Variants in DCTN1 observed in about 807,000 individuals in gnomAD.
DCTN1 encodes the protein 150 kDa dynein-associated polypeptide.
DCTN1 carries 61 observed loss-of-function variants against 161.2 expected under a neutral mutation model. The ratio of observed to expected loss-of-function variants is 0.38; its 90% confidence interval spans 0.31 to 0.47. The LOEUF is 0.47. DCTN1 is among the 20% of genes least tolerant of loss of function. The probability of loss-of-function intolerance (pLI) is 0.99; values close to 1 mark genes in which losing one functional copy is unlikely to be tolerated. For missense variants in DCTN1, 1,404 were observed against 1,623.7 expected, an observed-to-expected ratio of 0.86 and a Z score of 2.33; for synonymous variants, 653 against 632.4, an observed-to-expected ratio of 1.03 and a Z score of -0.49.
In DCTN1 at chr2:74,365,581, T is replaced by A. The variant is rs376868584; in HGVS notation, c.2963A>T (p.Asp988Val). ...AGTCTGGACTTTCTCGATGCGCTCA[T>A]CTGCATCCTTGGCAGCACTGTCCAA... ...KKLDSAAKDADERIEKVQTRL... is the reference protein window; with the variant it reads ...KKLDSAAKDAVERIEKVQTRL... The change falls in exon 25 of 32, where the codon GAT (aspartate) becomes GTT (valine). Residue 988 changes from aspartate (D) to valine (V), a missense_variant. This residue lies in a region of DCTN1 where 475 missense variants were observed against 489.8 expected (regional missense o/e 0.97). Coordinates refer to ENST00000628224, the MANE Select transcript of DCTN1 (RefSeq NM_004082.5). 7 of 1,614,050 alleles carry A rather than the reference T, an allele frequency of 4.3e-6. No individual in the cohort carries two copies. The highest frequency in any genetic ancestry group is 5.9e-6 in the Non-Finnish European group (7 of 1,180,042).
chr2:74,363,184 A>C lies in DCTN1; in HGVS notation c.3346-7T>G. Reference sequence around the variant, plus strand: ...ATGCCTTCATCTGGGCTCCCTGTGGATGAAAAAAGAAGGATAGTGGTAAGA... The same window carrying C: ...ATGCCTTCATCTGGGCTCCCTGTGGCTGAAAAAAGAAGGATAGTGGTAAGA... On this transcript the variant is annotated splice_region_variant and splice_polypyrimidine_tract_variant and intron_variant, in intron 28 of 31. Transcript: ENST00000628224. The C allele has an allele frequency of 6.2e-7, 1 of 1,614,058 alleles. No homozygotes were observed. The highest frequency in any genetic ancestry group is 8.5e-7 in the Non-Finnish European group (1 of 1,179,972).
chr2:74,367,937 C>T, intron 17 of DCTN1, 34 bp downstream of exon 17: 1 of 1,614,166 alleles, frequency 6.2e-7, no homozygotes, highest in Non-Finnish European at 8.5e-7. Context: ...TCCTGGACCC[C>T]CACCCTGGGG....
intron 16 of DCTN1, 116 bp downstream of exon 16, chr2:74,368,612 C>T: frequency 7.0e-7 from 1 of 1,435,608 alleles, no homozygotes; most frequent in Non-Finnish European, 9.7e-7. Context: ...TGTTCCTCCA[C>T]TATACCATAA....
chr2:74,379,961 T>G, intron 1 of DCTN1, 44 bp downstream of exon 1: 1 of 1,601,676 alleles, frequency 6.2e-7, no homozygotes, highest in South Asian at 1.1e-5. Flanking sequence ...AGCCAGGCCT[T>G]CCCCAGCAGC....
At chr2:74,361,727 C>T in intron 31 of DCTN1, 91 bp from the exon 32 acceptor site, 1 of 1,556,128 alleles carries the variant, frequency 6.4e-7, no homozygotes, top group South Asian at 1.1e-5. Flanking sequence ...GAGACCAAGG[C>T]AGCTCCTGGG....
intron 19 of DCTN1, 102 bp from the exon 20 acceptor site, chr2:74,367,209 A>G: frequency 6.5e-7 from 1 of 1,539,592 alleles, no homozygotes; most frequent in Non-Finnish European, 8.9e-7. Context: ...CCCATACATA[A>G]GTAGGTCCTC....
chr2:74,361,372 G>T lies in DCTN1; in HGVS notation c.*127C>A. ...GGCAGGACGCTGAAAGGGTGGGAGT[G>T]AAGCTGAACGGGGCAGGAAGAGCTT... On this transcript the variant is annotated 3_prime_UTR_variant, in exon 32 of 32. Coordinates refer to ENST00000628224, the MANE Select transcript of DCTN1 (RefSeq NM_004082.5). The T allele has an allele frequency of 7.4e-7, 1 of 1,356,576 alleles. No individual in the cohort carries two copies. The highest frequency in any genetic ancestry group is 1.0e-6 in the Non-Finnish European group (1 of 973,246). The allele number at this position is 1,356,576 out of a possible 1,614,324, so 84.0% of individuals were successfully genotyped here.
chr2:74,383,789 G>T (rs1264560277), upstream of DCTN1: 1 of 152,202 alleles, frequency 6.6e-6, no homozygotes, highest in African/African-American at 2.4e-5. Flanking sequence ...TTAACTTCCT[G>T]AGTCCCGGTT....
chr2:74,361,956 C>T (rs1452018305), intron 31 of DCTN1, 96 bp downstream of exon 31: 8 of 1,339,992 alleles, frequency 6.0e-6, no homozygotes, highest in Non-Finnish European at 8.5e-6. Context: ...AGTTGTTAGA[C>T]CTGAGACTCC....
At chr2:74,389,204 CAACT>C (rs1675882300) in intron 1 of DCTN1, among the ~76,000 whole-genome samples, 1 of 152,140 alleles carries the variant, frequency 6.6e-6, no homozygotes, top group Non-Finnish European at 1.5e-5. Context: ...TGATCACATT[CAACT>C]AACATCAGCC....
intron 26 of DCTN1, chr2:74,363,924 T>G: frequency 2.1e-6 from 1 of 487,276 alleles, no homozygotes; most frequent in Non-Finnish European, 3.8e-6. Flanking sequence ...AGGCTGTTCC[T>G]GCCTCCCTGT....
chr2:74,380,013 A>G lies in DCTN1; in HGVS notation c.25T>C (p.Tyr9His). 6.2e-7 allele frequency: 1 copy of G among 1,614,136 alleles called. No individual in the cohort carries two copies. The highest frequency in any genetic ancestry group is 2.2e-5 in the East Asian group (1 of 44,882). The change falls in exon 1 of 32, where the codon TAC (tyrosine) becomes CAC (histidine). Residue 9 changes from tyrosine to histidine, a missense_variant. Physicochemically the swap from Tyr to His is moderately conservative, Grantham distance 83. This residue lies in a region of DCTN1 where 53 missense variants were observed against 54.4 expected (regional missense o/e 0.97). Coordinates refer to ENST00000628224, the MANE Select transcript of DCTN1 (RefSeq NM_004082.5). ...AGATTAGGGCCACTTACCCGGCTGT[A>G]CACGTGCCTCTTGCTCTGTGCCATG... Reference protein sequence around the residue: MAQSKRHVYSRTPSGSRMS... With the variant: MAQSKRHVHSRTPSGSRMS...
intron 7 of DCTN1, among the ~76,000 whole-genome samples, chr2:74,372,203 T>C (rs1218517204): frequency 5.3e-5 from 8 of 152,140 alleles, no homozygotes; most frequent in South Asian, 2.1e-4. Context: ...CCACAGAAGG[T>C]TGGGCCAAAA....
At chr2:74,374,505 C>A in intron 5 of DCTN1, 165 bp from the exon 6 acceptor site, 3 of 1,481,050 alleles carry the variant, frequency 2.0e-6, no homozygotes, top group Non-Finnish European at 1.8e-6. Context: ...CAAATCCCAA[C>A]AATGCAGTCT....
intron 26 of DCTN1, 87 bp downstream of exon 26, chr2:74,364,988 G>C: frequency 3.8e-6 from 6 of 1,561,034 alleles, no homozygotes; most frequent in Non-Finnish European, 5.3e-6. Flanking sequence ...GGGGGTAAGG[G>C]GGGTGGGGCA....
upstream of DCTN1, among the ~76,000 whole-genome samples, chr2:74,382,390 A>C (rs1209937922): frequency 6.6e-6 from 1 of 151,986 alleles, no homozygotes; most frequent in Non-Finnish European, 1.5e-5. Flanking sequence ...ACTTGAGACC[A>C]GGAGTTCAAG....
intron 6 of DCTN1, chr2:74,373,332 GC>G (rs1043937988): frequency 3.0e-6 from 1 of 329,536 alleles, no homozygotes; most frequent in Non-Finnish European, 5.9e-6. Context: ...AGAGCCAGAG[GC>G]CCCGCCCAGC....
At chr2:74,372,510 G>A (rs888535704) in intron 7 of DCTN1, among the ~76,000 whole-genome samples, 2 of 152,226 alleles carry the variant, frequency 1.3e-5, no homozygotes, top group African/African-American at 4.8e-5. Context: ...CCAGTGGGCT[G>A]ACACTCAGAG....
rs750104562 is a variant in DCTN1, at chr2:74,363,433, G to T, written c.3212-6C>A. On this transcript the variant is annotated splice_region_variant and splice_polypyrimidine_tract_variant and intron_variant, in intron 27 of 31. Coordinates refer to ENST00000628224, the MANE Select transcript of DCTN1 (RefSeq NM_004082.5). ...AGCCTGCCCAGGGATGGCTCCTGTG[G>T]GGACCATAAAAAATCTCATCAGCCC... 1.6e-5 allele frequency: 26 copies of T among 1,611,680 alleles called. No individual in the cohort carries two copies. In the South Asian group the frequency reaches 2.6e-4, roughly 16 times the overall value.
Sources: allele counts gnomAD v4.1 joint callset (sites outside exome capture counted in the v4.1 genomes callset), GRCh38; gene constraint gnomAD v4.1.1; regional missense constraint gnomAD v4.1.1; transcripts MANE v1.5; gene names NCBI Gene and HGNC (gene_info 2026-07-23, HGNC 2026-07-21).